The following ELOVL6 variants were observed in gnomAD, a reference collection of about 807,000 sequenced individuals.
The protein encoded by ELOVL6 is very long chain fatty acid elongase 6.
A neutral mutation model predicts 31.7 loss-of-function variants in ELOVL6; 8 were observed. That is an observed-to-expected ratio of 0.25 (90% CI 0.15 to 0.45). ELOVL6 has a LOEUF of 0.45. ELOVL6 is among the 20% of genes least tolerant of loss of function. The probability of loss-of-function intolerance (pLI) is 1.00; values close to 1 mark genes in which losing one functional copy is unlikely to be tolerated. For synonymous variants in ELOVL6, 101 were observed against 117.7 expected, an observed-to-expected ratio of 0.86 and a Z score of 0.92; for missense variants, 126 against 326.4, an observed-to-expected ratio of 0.39 and a Z score of 4.73.
At chr4:110,088,803 T>G (rs1422394679) in intron 2 of ELOVL6, among the ~76,000 whole-genome samples, 1 of 152,124 alleles carries the variant, frequency 6.6e-6, no homozygotes, top group Non-Finnish European at 1.5e-5. Flanking sequence ...ATCTGCTTGA[T>G]AAAGGAAGGA....
chr4:110,147,650 G>A (rs1419397552), intron 1 of ELOVL6, among the ~76,000 whole-genome samples: 2 of 151,910 alleles, frequency 1.3e-5, no homozygotes, highest in South Asian at 2.1e-4. Context: ...AATCAACTGG[G>A]TATGGTGGTG....
At chr4:110,062,440 G>A (rs1755172318) in intron 2 of ELOVL6, among the ~76,000 whole-genome samples, 1 of 152,174 alleles carries the variant, frequency 6.6e-6, no homozygotes, top group African/African-American at 2.4e-5. Context: ...GCACTGTGGG[G>A]GCCAATGGGA....
chr4:110,189,156 T>C (rs2126281077), intron 1 of ELOVL6, among the ~76,000 whole-genome samples: 1 of 152,234 alleles, frequency 6.6e-6, no homozygotes, highest in South Asian at 2.1e-4. Flanking sequence ...GGTGCGTGCC[T>C]GTAATCCCAG....
At chr4:110,148,563 A>G (rs1047351627) in intron 1 of ELOVL6, among the ~76,000 whole-genome samples, 6 of 152,212 alleles carry the variant, frequency 3.9e-5, no homozygotes, top group Admixed American at 3.9e-4. Context: ...AATAAGACCT[A>G]GTATTTGATA....
intron 2 of ELOVL6, among the ~76,000 whole-genome samples, chr4:110,076,537 AT>A (rs1755636379): frequency 6.6e-6 from 1 of 152,232 alleles, no homozygotes; most frequent in African/African-American, 2.4e-5. Flanking sequence ...TATGAAAAAA[AT>A]ATGTAAATAA....
chr4:110,059,798 T>G (rs1191931809), intron 2 of ELOVL6, 44 bp from the exon 3 acceptor site: 2 of 1,568,094 alleles, frequency 1.3e-6, no homozygotes, highest in Non-Finnish European at 1.7e-6. Context: ...AGGAAAATAG[T>G]TTCACTTCTC....
chr4:110,148,417 G>A (rs1396809995), intron 1 of ELOVL6, among the ~76,000 whole-genome samples: 11 of 148,374 alleles, frequency 7.4e-5, no homozygotes, highest in Non-Finnish European at 1.5e-5. Context: ...CCACTTATTT[G>A]TACAATCTAA....
chr4:110,177,073 A>T (rs1436766421), intron 1 of ELOVL6, among the ~76,000 whole-genome samples: 2 of 152,170 alleles, frequency 1.3e-5, no homozygotes, highest in African/African-American at 4.8e-5. Flanking sequence ...AGCAATCCCC[A>T]TCCTCTGTCA....
At chr4:110,144,408 T>C (rs1758049660) in intron 1 of ELOVL6, among the ~76,000 whole-genome samples, 1 of 152,246 alleles carries the variant, frequency 6.6e-6, no homozygotes, top group Non-Finnish European at 1.5e-5. Context: ...ATTCACATAA[T>C]GTAATACTAT....
chr4:110,141,819 AATACC>A, intron 1 of ELOVL6, among the ~76,000 whole-genome samples: 1 of 145,528 alleles, frequency 6.9e-6, no homozygotes, highest in South Asian at 2.2e-4. Flanking sequence ...AATACAATAC[AATACC>A]ATATATATAT....
At chr4:110,138,358 G>A (rs1297744630) in intron 1 of ELOVL6, among the ~76,000 whole-genome samples, 1 of 152,166 alleles carries the variant, frequency 6.6e-6, no homozygotes, top group East Asian at 1.9e-4. Context: ...CCTACGCTAG[G>A]TACTGGATAC....
intron 2 of ELOVL6, among the ~76,000 whole-genome samples, chr4:110,094,971 G>T (rs934927445): frequency 6.6e-6 from 1 of 152,110 alleles, no homozygotes; most frequent in East Asian, 1.9e-4. Flanking sequence ...CTTGCCCCAA[G>T]AAATTCATAG....
intron 2 of ELOVL6, among the ~76,000 whole-genome samples, chr4:110,069,348 A>G (rs111413402): frequency 1.6e-3 from 239 of 151,326 alleles, no homozygotes; most frequent in African/African-American, 4.0e-3. Context: ...AGATATAAAG[A>G]CTTCATCTCC....
At chr4:110,078,190 C>T (rs982126440) in intron 2 of ELOVL6, among the ~76,000 whole-genome samples, 2 of 152,100 alleles carry the variant, frequency 1.3e-5, no homozygotes, top group Non-Finnish European at 2.9e-5. Context: ...GGAGAACTTC[C>T]CAAATCTAGC....
chr4:110,084,588 A>ATTT lies in ELOVL6; in HGVS notation c.221+20906_221+20908dup, dbSNP rs1168880044. On this transcript the variant is annotated intron_variant, in intron 2 of 3. Coordinates refer to ENST00000302274, the MANE Select transcript of ELOVL6 (RefSeq NM_024090.3). ...GATATATATATATATATATATATAT[A>ATTT]TTTTTTTTTTTTTTTTTTTTTTTTG... Among the ~76,000 whole-genome samples the ATTT allele has an allele frequency of 2.0e-3, 59 of 29,654 alleles. 5 individuals carry two copies. Among genetic ancestry groups the ATTT allele is most frequent in the African/African-American group, 8.1e-3 (37 of 4,580 alleles). 19.5% of individuals were successfully genotyped at this position (29,654 alleles called of 152,430 possible).
Position 110,051,164 on chromosome 4 carries a change from T to A in ELOVL6, c.*174A>T. ...TCAGTGAGTCCTCACCCTAAAAGGA[T>A]CATAAACTTACTGGGTTAAATCAAC... On this transcript the variant is annotated 3_prime_UTR_variant, in exon 4 of 4. Coordinates refer to ENST00000302274, the MANE Select transcript of ELOVL6 (RefSeq NM_024090.3). This position sits in a 1 kb window ranked among gnomAD's most constrained non-coding sequence, Gnocchi z 4.8. 1 of 653,940 alleles carries A rather than the reference T, an allele frequency of 1.5e-6. No individual in the cohort carries two copies. Among genetic ancestry groups the A allele is most frequent in the Non-Finnish European group, 2.6e-6 (1 of 387,060 alleles). 40.5% of individuals were successfully genotyped at this position (653,940 alleles called of 1,614,324 possible). A position where few individuals can be genotyped will look rare whatever the true frequency, so the allele number is the denominator to read the frequency against.
intron 1 of ELOVL6, among the ~76,000 whole-genome samples, chr4:110,105,849 G>A (rs541127677): frequency 2.6e-5 from 4 of 152,314 alleles, no homozygotes; most frequent in Non-Finnish European, 5.9e-5. Flanking sequence ...TAAGTATCAT[G>A]TCAGGATAGA....
chr4:110,134,522 G>C (rs1044549976), intron 1 of ELOVL6, among the ~76,000 whole-genome samples: 2 of 152,146 alleles, frequency 1.3e-5, no homozygotes, highest in Admixed American at 1.3e-4. Flanking sequence ...AAGGCCTCTG[G>C]GGGGACATGT....
chr4:110,078,546 T>C (rs1755726014), intron 2 of ELOVL6, among the ~76,000 whole-genome samples: 1 of 152,120 alleles, frequency 6.6e-6, no homozygotes, highest in Admixed American at 6.5e-5. Flanking sequence ...TGCTGAGAGA[T>C]TTTGTCACCA....
Sources: allele counts gnomAD v4.1 joint callset (sites outside exome capture counted in the v4.1 genomes callset), GRCh38; gene constraint gnomAD v4.1.1; non-coding constraint Gnocchi (gnomAD v3.1); transcripts MANE v1.5; gene names NCBI Gene and HGNC (gene_info 2026-07-23, HGNC 2026-07-21).